The following SOX6 variants were observed in gnomAD, a reference collection of about 807,000 sequenced individuals.
SOX6 encodes transcription factor SOX-6.
SOX6 carries 11 observed loss-of-function variants against 97.8 expected under a neutral mutation model. The ratio of observed to expected loss-of-function variants is 0.11; its 90% CI spans 0.07 to 0.19. SOX6 has a LOEUF of 0.19. SOX6 is among the 10% of genes least tolerant of loss of function. SOX6 has a pLI of 1.00. For missense variants in SOX6, 810 were observed against 1,039.5 expected, an observed-to-expected ratio of 0.78 and a Z score of 3.04; for synonymous variants, 360 against 371.4, an observed-to-expected ratio of 0.97 and a Z score of 0.35.
intron 4 of SOX6, among the ~76,000 whole-genome samples, chr11:16,551,135 T>C (rs1251023828): frequency 1.3e-5 from 2 of 152,040 alleles, no homozygotes; most frequent in African/African-American, 4.8e-5. Flanking sequence ...AGCTTGAGCC[T>C]AGGAGTTTGA....
At chr11:16,197,539 T>C (rs1402395936) in intron 4 of SOX6, among the ~76,000 whole-genome samples, 2 of 152,230 alleles carry the variant, frequency 1.3e-5, no homozygotes, top group Non-Finnish European at 2.9e-5. Flanking sequence ...AATTTCATAT[T>C]GATTCTAAAA....
At chr11:16,628,635 A>G (rs1161459888) in intron 3 of SOX6, among the ~76,000 whole-genome samples, 1 of 151,642 alleles carries the variant, frequency 6.6e-6, no homozygotes, top group Non-Finnish European at 1.5e-5. Flanking sequence ...AAAAAAAAAA[A>G]GAAAGAAAAG....
chr11:16,513,709 TGAG>T (rs1340294321), intron 4 of SOX6, among the ~76,000 whole-genome samples: 1 of 152,088 alleles, frequency 6.6e-6, no homozygotes, highest in Non-Finnish European at 1.5e-5. Context: ...GTAATGTTGC[TGAG>T]AAGATGTTGA....
intron 12 of SOX6, among the ~76,000 whole-genome samples, chr11:16,046,284 T>C (rs1855827959): frequency 6.6e-6 from 1 of 152,118 alleles, no homozygotes; most frequent in African/African-American, 2.4e-5. Context: ...AAAACACCAA[T>C]AGGCAGGTAG....
intron 4 of SOX6, among the ~76,000 whole-genome samples, chr11:16,581,729 C>T (rs951921532): frequency 4.0e-5 from 6 of 151,734 alleles, no homozygotes; most frequent in East Asian, 1.9e-4. Context: ...TTTGGGAGAC[C>T]GAGGTGGGTG....
At chr11:16,150,547 A>C (rs1394690166) in intron 6 of SOX6, among the ~76,000 whole-genome samples, 1 of 152,192 alleles carries the variant, frequency 6.6e-6, no homozygotes, top group Non-Finnish European at 1.5e-5. Context: ...CTCACACTGA[A>C]GGAATATTGA....
chr11:16,410,499 A>G (rs1022224696), intron 1 of SOX6, among the ~76,000 whole-genome samples: 1 of 152,136 alleles, frequency 6.6e-6, no homozygotes, highest in Non-Finnish European at 1.5e-5. Context: ...GCTCACGCCT[A>G]TAACACCAGC....
At chr11:16,448,923 T>C (rs1859663488) in intron 1 of SOX6, among the ~76,000 whole-genome samples, 1 of 152,150 alleles carries the variant, frequency 6.6e-6, no homozygotes, top group Admixed American at 6.5e-5. Context: ...TAAAGCTGTA[T>C]ATTAAGACTA....
Position 15,971,025 on chromosome 11 carries a change from T to C in SOX6, c.*1784A>G, listed in dbSNP as rs1853286991. 1 of 152,372 alleles carries C rather than the reference T, an allele frequency of 6.6e-6. No individual in the cohort carries two copies. The highest frequency in any genetic ancestry group is 1.5e-5 in the Non-Finnish European group (1 of 68,042). 9.4% of individuals were successfully genotyped at this position (152,372 alleles called of 1,614,324 possible). On this transcript the variant is annotated 3_prime_UTR_variant, in exon 16 of 16. Transcript: ENST00000683767. Reference sequence around the variant, plus strand: ...CTCACTGCTTCCCACCCCAGTAGCATGTCTTCAAAGAAATCCTTGTGTGAT... The same window carrying C: ...CTCACTGCTTCCCACCCCAGTAGCACGTCTTCAAAGAAATCCTTGTGTGAT...
intron 1 of SOX6, among the ~76,000 whole-genome samples, chr11:16,425,643 C>CA (rs1331041793): frequency 6.6e-6 from 1 of 152,144 alleles, no homozygotes; most frequent in East Asian, 1.9e-4. Flanking sequence ...AATCCATGTG[C>CA]AAAAAACACT....
chr11:16,670,581 G>A (rs79684358), intron 3 of SOX6, among the ~76,000 whole-genome samples: 1,691 of 152,250 alleles, frequency 0.011, 24 homozygotes, highest in African/African-American at 0.038. Context: ...AAGGAGAGGA[G>A]GCCAGTCTAT....
At chr11:16,380,487 A>C (rs1857779038) in intron 1 of SOX6, among the ~76,000 whole-genome samples, 1 of 152,080 alleles carries the variant, frequency 6.6e-6, no homozygotes, top group Non-Finnish European at 1.5e-5. Flanking sequence ...GAAAGACCAT[A>C]TTTACTCTTT....
At chr11:16,191,389 A>C (rs1362898909) in intron 4 of SOX6, among the ~76,000 whole-genome samples, 2 of 152,146 alleles carry the variant, frequency 1.3e-5, no homozygotes, top group Non-Finnish European at 2.9e-5. Flanking sequence ...CGAGCCCAGG[A>C]GTTCAAGACT....
chr11:16,177,517 C>T (rs1248358752), intron 6 of SOX6, among the ~76,000 whole-genome samples: 1 of 151,634 alleles, frequency 6.6e-6, no homozygotes, highest in East Asian at 1.9e-4. Flanking sequence ...AAATCACCTG[C>T]CGTAAATAGA....
intron 4 of SOX6, among the ~76,000 whole-genome samples, chr11:16,485,907 GAA>G (rs1860419811): frequency 1.0e-5 from 1 of 98,352 alleles, no homozygotes; most frequent in African/African-American, 4.2e-5. Flanking sequence ...AAAGGGAAGG[GAA>G]GAAAAGGGAA....
upstream of SOX6, among the ~76,000 whole-genome samples, chr11:16,481,049 T>C (rs1860336472): frequency 6.6e-6 from 1 of 152,106 alleles, no homozygotes; most frequent in African/African-American, 2.4e-5. Flanking sequence ...TTCAAGTGGG[T>C]TTTGCAGGAG....
chr11:16,432,085 T>C (rs1389972296), intron 1 of SOX6, among the ~76,000 whole-genome samples: 1 of 152,110 alleles, frequency 6.6e-6, no homozygotes, highest in Non-Finnish European at 1.5e-5. Context: ...CATATTCAAC[T>C]GGCATTCATT....
At chr11:16,115,694 C>G (rs551145803) in intron 6 of SOX6, among the ~76,000 whole-genome samples, 1 of 152,278 alleles carries the variant, frequency 6.6e-6, no homozygotes, top group East Asian at 1.9e-4. Flanking sequence ...GAGTCCAGAA[C>G]AGCTAATCAC....
chr11:16,613,635 A>ACACG lies in SOX6; in HGVS notation n.430-1379_430-1376dup, dbSNP rs1405195516. Among the ~76,000 whole-genome samples the ACACG allele has an allele frequency of 6.6e-6, 1 of 151,940 alleles. No individual in the cohort carries two copies. Among genetic ancestry groups the ACACG allele is most frequent in the East Asian group, 1.9e-4 (1 of 5,152 alleles). ...CGCGCGCGGACCCACGAGCACACAC[A>ACACG]CACGCACGCACACACACAGACACGC... On this transcript the variant is annotated intron_variant and non_coding_transcript_variant, in intron 3 of 5. Coordinates refer to the SOX6 transcript ENST00000524520. This position sits in a 1 kb window ranked among gnomAD's most constrained non-coding sequence, Gnocchi z 4.6.
Sources: allele counts gnomAD v4.1 joint callset (sites outside exome capture counted in the v4.1 genomes callset), GRCh38; gene constraint gnomAD v4.1.1; non-coding constraint Gnocchi (gnomAD v3.1); transcripts MANE v1.5; gene names NCBI Gene and HGNC (gene_info 2026-07-23, HGNC 2026-07-21).